Variants in RBFOX1 observed in about 807,000 individuals in gnomAD.
RBFOX1 encodes RNA binding protein fox-1 homolog 1.
In RBFOX1, 8 loss-of-function variants were observed where a neutral mutation model predicts 57.7. The observed-to-expected ratio is 0.14, with a 90% CI of 0.08 to 0.25. The LOEUF is 0.25. RBFOX1 is among the 10% of genes least tolerant of loss of function. The pLI is 1.00. For synonymous variants in RBFOX1, 326 were observed against 222.4 expected, an observed-to-expected ratio of 1.47 and a Z score of -4.15; for missense variants, 611 against 548.5, an observed-to-expected ratio of 1.11 and a Z score of -1.14.
At chr16:7,412,914 C>T (rs999540896) in intron 4 of RBFOX1, among the ~76,000 whole-genome samples, 18 of 152,094 alleles carry the variant, frequency 1.2e-4, no homozygotes, top group Admixed American at 5.9e-4. Context: ...CCATGGTGGG[C>T]GCCTGCAGTC....
At chr16:7,262,158 A>G (rs1250296398) in intron 4 of RBFOX1, among the ~76,000 whole-genome samples, 3 of 152,090 alleles carry the variant, frequency 2.0e-5, no homozygotes, top group East Asian at 1.9e-4. Context: ...ATATAGTTAT[A>G]TATCTATAGA....
chr16:5,379,637 C>G (rs2066080039), intron 1 of RBFOX1, among the ~76,000 whole-genome samples: 1 of 152,138 alleles, frequency 6.6e-6, no homozygotes, highest in Admixed American at 6.5e-5. Flanking sequence ...TCCATGAGCT[C>G]CAGCCACCAA....
At chr16:5,449,872 G>C (rs1014669819) in intron 1 of RBFOX1, among the ~76,000 whole-genome samples, 1 of 152,046 alleles carries the variant, frequency 6.6e-6, no homozygotes, top group African/African-American at 2.4e-5. Context: ...CCTCCCAAAG[G>C]TCTTGGATTA....
intron 2 of RBFOX1, among the ~76,000 whole-genome samples, chr16:6,557,132 C>CAT (rs2097114829): frequency 7.0e-6 from 1 of 142,854 alleles, no homozygotes; most frequent in African/African-American, 2.6e-5. Flanking sequence ...CATACATATA[C>CAT]ATATATACAT....
chr16:7,420,584 C>CT lies in RBFOX1; in HGVS notation c.28-97554dup, dbSNP rs1388222929. On this transcript the variant is annotated intron_variant, in intron 4 of 15. Transcript: ENST00000550418. Reference sequence around the variant, plus strand: ...ATATTGAATTATTTATTATTTGTATCTTTTTTTTTCTTTCCCTTTCTGATG... The same window carrying CT: ...ATATTGAATTATTTATTATTTGTATCTTTTTTTTTTCTTTCCCTTTCTGATG... Among the ~76,000 whole-genome samples, 13 of 151,276 alleles carry CT rather than the reference C, an allele frequency of 8.6e-5. No individual in the cohort carries two copies. The East Asian group carries it at 1.7e-3, about 20-fold the overall frequency.
intron 4 of RBFOX1, among the ~76,000 whole-genome samples, chr16:7,472,778 C>A (rs1231786646): frequency 6.6e-6 from 1 of 152,132 alleles, no homozygotes; most frequent in Non-Finnish European, 1.5e-5. Context: ...ATAAAAGTTA[C>A]AGAAAGTATA....
chr16:6,655,736 C>A (rs1038501996), intron 3 of RBFOX1, among the ~76,000 whole-genome samples: 4 of 152,156 alleles, frequency 2.6e-5, no homozygotes, highest in Non-Finnish European at 4.4e-5. Context: ...TACCTCCTGG[C>A]TACTTTTGAC....
chr16:7,543,386 G>T (rs973509719), intron 5 of RBFOX1, among the ~76,000 whole-genome samples: 1 of 152,136 alleles, frequency 6.6e-6, no homozygotes, highest in African/African-American at 2.4e-5. Flanking sequence ...TACAGGCCTG[G>T]TAATGATCAT....
intron 1 of RBFOX1, chr16:5,260,625 A>G (rs781646038): frequency 6.6e-6 from 1 of 152,238 alleles, no homozygotes; most frequent in Non-Finnish European, 1.5e-5. Flanking sequence ...TTGACTGACC[A>G]TCTCATGAAA....
At chr16:7,336,816 T>C (rs1231378236) in intron 4 of RBFOX1, among the ~76,000 whole-genome samples, 2 of 152,216 alleles carry the variant, frequency 1.3e-5, no homozygotes, top group African/African-American at 4.8e-5. Context: ...TCAATTTCTT[T>C]TGGAAGTTGG....
At chr16:7,285,855 G>A (rs2095641207) in intron 4 of RBFOX1, among the ~76,000 whole-genome samples, 1 of 152,164 alleles carries the variant, frequency 6.6e-6, no homozygotes, top group South Asian at 2.1e-4. Context: ...CAAGTGCAGG[G>A]TTTTGTGTGA....
At chr16:5,845,002 T>G (rs2056716893) in intron 3 of RBFOX1, among the ~76,000 whole-genome samples, 1 of 152,128 alleles carries the variant, frequency 6.6e-6, no homozygotes, top group Non-Finnish European at 1.5e-5. Flanking sequence ...AGCCCAGCAC[T>G]TGGTTTGTAA....
At chr16:7,377,149 A>C (rs946370438) in intron 4 of RBFOX1, among the ~76,000 whole-genome samples, 1 of 152,244 alleles carries the variant, frequency 6.6e-6, no homozygotes, top group African/African-American at 2.4e-5. Flanking sequence ...ATATCAGTTT[A>C]AATGAACTTA....
At chr16:6,987,269 A>T (rs1344591129) in intron 3 of RBFOX1, among the ~76,000 whole-genome samples, 2 of 152,190 alleles carry the variant, frequency 1.3e-5, no homozygotes, top group African/African-American at 4.8e-5. Flanking sequence ...TGGAATATTC[A>T]TGCTGGATGG....
chr16:6,197,670 T>G (rs1286584139), intron 1 of RBFOX1, among the ~76,000 whole-genome samples: 2 of 151,440 alleles, frequency 1.3e-5, no homozygotes, highest in Non-Finnish European at 2.9e-5. Flanking sequence ...GATTCAGGGG[T>G]TCATATGTTG....
chr16:5,856,020 C>T (rs1346911817), intron 3 of RBFOX1, among the ~76,000 whole-genome samples: 2 of 105,696 alleles, frequency 1.9e-5, no homozygotes, highest in African/African-American at 3.5e-5. Flanking sequence ...AGATTACTTT[C>T]CTAATTTTCT....
intron 9 of RBFOX1, among the ~76,000 whole-genome samples, chr16:7,601,728 G>A (rs1022716993): frequency 2.6e-5 from 4 of 152,126 alleles, no homozygotes; most frequent in Admixed American, 6.5e-5. Context: ...GACTAAGTGG[G>A]GAGTTGAATG....
Position 5,896,319 on chromosome 16 carries a change from T to C in RBFOX1, c.351+28984T>C, listed in dbSNP as rs72769080. Among the ~76,000 whole-genome samples the C allele has an allele frequency of 1.0e-3, 156 of 152,262 alleles. 1 individual carries two copies. The highest frequency in any genetic ancestry group is 2.0e-3 in the Non-Finnish European group (136 of 68,018). On this transcript the variant is annotated intron_variant, in intron 4 of 19. Coordinates refer to the RBFOX1 transcript ENST00000641259. ...GGCCTCCTGGGAGGTGTTTTGATCG[T>C]GGGCAAGGGTCTTTCATGAATATAT... is the stretch of plus-strand genomic sequence containing the variant.
At chr16:5,529,110 A>G (rs1016091984) in intron 2 of RBFOX1, among the ~76,000 whole-genome samples, 1 of 152,094 alleles carries the variant, frequency 6.6e-6, no homozygotes, top group Non-Finnish European at 1.5e-5. Flanking sequence ...AGCACAAGTC[A>G]CATTAATAGA....
Sources: allele counts gnomAD v4.1 joint callset (sites outside exome capture counted in the v4.1 genomes callset), GRCh38; gene constraint gnomAD v4.1.1; transcripts MANE v1.5; gene names NCBI Gene and HGNC (gene_info 2026-07-23, HGNC 2026-07-21).